The following GOLGA6L7 variants were observed in gnomAD, a reference collection of about 807,000 sequenced individuals.
The protein encoded by GOLGA6L7 is golgin subfamily A member 6-like protein 7.
Under a neutral mutation model 68.9 loss-of-function variants are expected in GOLGA6L7, and 29 were observed. The ratio of observed to expected loss-of-function variants is 0.42; its 90% CI spans 0.31 to 0.57. GOLGA6L7 has a LOEUF of 0.57. GOLGA6L7 is among the 20% of genes least tolerant of loss of function. The probability of loss-of-function intolerance (pLI) is 0.13; values close to 1 mark genes in which losing one functional copy is unlikely to be tolerated. For synonymous variants in GOLGA6L7, 133 were observed against 197.4 expected, an observed-to-expected ratio of 0.67 and a Z score of 2.73; for missense variants, 396 against 588.4, an observed-to-expected ratio of 0.67 and a Z score of 3.38.
At chr15:28,844,503 C>A (rs1353295746) in intron 6 of GOLGA6L7, among the ~76,000 whole-genome samples, 1 of 149,872 alleles carries the variant, frequency 6.7e-6, no homozygotes, top group African/African-American at 2.5e-5. Flanking sequence ...CGATCTCACC[C>A]CACCGCAACC....
intron 7 of GOLGA6L7, 149 bp from the exon 8 acceptor site, chr15:28,844,024 G>A (rs2030316267): frequency 3.4e-6 from 2 of 595,388 alleles, no homozygotes; most frequent in Admixed American, 6.0e-5. Context: ...AGGCCAGAGA[G>A]AAGACATGAG....
chr15:28,846,094 G>T (rs1595357563), intron 3 of GOLGA6L7, 126 bp downstream of exon 3: 1 of 734,406 alleles, frequency 1.4e-6, no homozygotes, highest in East Asian at 2.7e-5. Context: ...TGGGGATGGG[G>T]TGGAAGCTGG....
intron 6 of GOLGA6L7, 141 bp downstream of exon 6, chr15:28,845,388 A>C: frequency 1.4e-6 from 1 of 697,070 alleles, no homozygotes. Context: ...CCTGCCTCTA[A>C]CAACCACGCA....
chr15:28,847,398 C>T (rs2141056656), intron 1 of GOLGA6L7, among the ~76,000 whole-genome samples: 1 of 151,506 alleles, frequency 6.6e-6, no homozygotes, highest in Admixed American at 6.5e-5. Flanking sequence ...AGTCTTCTGA[C>T]TCTGAGCTCT....
Position 28,842,369 on chromosome 15 carries a change from T to C in GOLGA6L7, c.1735A>G (p.Asn579Asp). 1.6e-6 allele frequency: 2 copies of C among 1,236,202 alleles called. No homozygotes were observed. The highest frequency in any genetic ancestry group is 2.0e-6 in the Non-Finnish European group (2 of 987,950). 76.6% of individuals were successfully genotyped at this position (1,236,202 alleles called of 1,614,324 possible). A position where few individuals can be genotyped will look rare whatever the true frequency, so the allele number is the denominator to read the frequency against. ...AGCTGCATGATCTGTGCAGTGCGGT[T>C]GTCATGGGAATAACCCTTCCCGGCC... ...REAGKGYSHD[N>D]RTAQIMQLPP... The change falls in exon 9 of 9, where the codon AAC (asparagine) becomes GAC (aspartate). Residue 579 changes from asparagine to aspartate, a missense_variant. By Grantham distance (23) the Asn-to-Asp change is conservative. Transcript: ENST00000567390.
chr15:28,847,427 A>C (rs2030479529), intron 1 of GOLGA6L7, among the ~76,000 whole-genome samples: 1 of 151,680 alleles, frequency 6.6e-6, no homozygotes, highest in African/African-American at 2.4e-5. Context: ...GCCACAAATC[A>C]GCAGCTGCCA....
rs1260200505 is a variant in GOLGA6L7, at chr15:28,843,334, A to T, written c.770T>A (p.Met257Lys). Reference protein sequence around the residue: ...QEKLRKHEEKMWRQEQRLRDQ... With the variant: ...QEKLRKHEEKKWRQEQRLRDQ... ...CCGCAGCCTCTGCTCCTGTCTCCAC[A>T]TCTTCTCCTCGTGCTTCCGTAGCTT... Residue 257 changes from methionine to lysine, a missense_variant, in exon 9 of 9, where the codon ATG becomes AAG. Met to Lys is a moderately conservative substitution (Grantham distance 95). This residue lies in a region of GOLGA6L7 where 125 missense variants were observed against 119.4 expected (regional missense o/e 1.05). Coordinates refer to ENST00000567390, the MANE Select transcript of GOLGA6L7 (RefSeq NM_001365371.2). 1 of 844,198 alleles carries T rather than the reference A, an allele frequency of 1.2e-6. No homozygotes were observed. The highest frequency in any genetic ancestry group is 3.4e-5 in the East Asian group (1 of 29,792). The allele number at this position is 844,198 out of a possible 1,614,324, so 52.3% of individuals were successfully genotyped here.
At chr15:28,847,833 C>T (rs1367201555) in intron 1 of GOLGA6L7, among the ~76,000 whole-genome samples, 1 of 152,228 alleles carries the variant, frequency 6.6e-6, no homozygotes, top group Non-Finnish European at 1.5e-5. Flanking sequence ...GCAAATCTCA[C>T]TTCAAAGATC....
rs1157748957 is a variant in GOLGA6L7, at chr15:28,845,927, ATGT to A, written c.231_233del (p.Gln77del). On this transcript the variant is annotated inframe_deletion, in exon 4 of 9. Transcript: ENST00000567390. ...CTAGCTGCCTCCTTAGGGCTTGCTG[ATGT>A]TGGTGGCTTGCCTTATTTTCCTATA... The A allele has an allele frequency of 7.8e-7, 1 of 1,286,042 alleles. No individual in the cohort carries two copies. The highest frequency in any genetic ancestry group is 1.1e-6 in the Non-Finnish European group (1 of 893,800). The allele number at this position is 1,286,042 out of a possible 1,614,324, so 79.7% of individuals were successfully genotyped here.
Position 28,844,154 on chromosome 15 carries a change from C to T in GOLGA6L7, c.521+51G>A, listed in dbSNP as rs569659704. ...CTGTACCCCCCACCTCCCAGCACAC[C>T]ACCCACGCTAAGGGCTCTCAGACCT... On this transcript the variant is annotated intron_variant, in intron 7 of 8. Transcript: ENST00000567390. The T allele has an allele frequency of 1.2e-5, 6 of 490,072 alleles. 1 individual carries two copies. The highest frequency in any genetic ancestry group is 1.1e-4 in the East Asian group (3 of 28,542). 30.4% of individuals were successfully genotyped at this position (490,072 alleles called of 1,614,324 possible). A position where few individuals can be genotyped will look rare whatever the true frequency, so the allele number is the denominator to read the frequency against.
At position 28,848,487 on chromosome 15, in the gene GOLGA6L7, G is replaced by C. The variant is rs1297842765; in HGVS notation, c.51+12C>G. The C allele has an allele frequency of 2.9e-6, 2 of 689,782 alleles. No homozygotes were observed. The highest frequency in any genetic ancestry group is 2.0e-5 in the Admixed American group (1 of 49,604). The allele number at this position is 689,782 out of a possible 1,614,324, so 42.7% of individuals were successfully genotyped here. Reference sequence around the variant, plus strand: ...GGTTGGGGTTGGGGTGCTGCAATCCGATGCGTTTTACCTTTTTCTTGGTCC... The same window carrying C: ...GGTTGGGGTTGGGGTGCTGCAATCCCATGCGTTTTACCTTTTTCTTGGTCC... On this transcript the variant is annotated intron_variant, in intron 1 of 8. Coordinates refer to ENST00000567390, the MANE Select transcript of GOLGA6L7 (RefSeq NM_001365371.2).
chr15:28,848,373 A>G (rs1025386534), intron 1 of GOLGA6L7, 126 bp downstream of exon 1: 8 of 617,246 alleles, frequency 1.3e-5, no homozygotes. Context: ...GGGGGAGCCC[A>G]GAGGCACTGG....
At chr15:28,846,013 G>T in intron 3 of GOLGA6L7, 63 bp from the exon 4 acceptor site, 1 of 906,222 alleles carries the variant, frequency 1.1e-6, no homozygotes, top group East Asian at 2.6e-5. Flanking sequence ...CACAGCAAGA[G>T]ACATGCCCCC....
intron 5 of GOLGA6L7, 22 bp from the exon 6 acceptor site, chr15:28,845,657 T>C: frequency 1.3e-6 from 1 of 744,800 alleles, no homozygotes; most frequent in South Asian, 1.4e-5. Flanking sequence ...GAGGTTGAGC[T>C]GCAGCCCAAA....
At chr15:28,845,484 T>G in intron 6 of GOLGA6L7, 45 bp downstream of exon 6, 3 of 702,244 alleles carry the variant, frequency 4.3e-6, no homozygotes, top group Non-Finnish European at 7.8e-6. Flanking sequence ...TTCCTCCATC[T>G]GCGAAGCTGG....
Position 28,843,247 on chromosome 15 carries a change from C to CGCATCTGCTCCTCCTGCTCCT in GOLGA6L7, c.836_856dup (p.Gln279_Met285dup), listed in dbSNP as rs1567380735. The CGCATCTGCTCCTCCTGCTCCT allele has an allele frequency of 3.1e-6, 4 of 1,292,036 alleles. No individual in the cohort carries two copies. The highest frequency in any genetic ancestry group is 5.9e-5 in the East Asian group (2 of 33,672). 80.0% of individuals were successfully genotyped at this position (1,292,036 alleles called of 1,614,324 possible). A position where few individuals can be genotyped will look rare whatever the true frequency, so the allele number is the denominator to read the frequency against. On this transcript the variant is annotated inframe_insertion, in exon 9 of 9. Coordinates refer to ENST00000567390, the MANE Select transcript of GOLGA6L7 (RefSeq NM_001365371.2). ...CTTCCGCATCTGCTCCTCCTGCTTC[C>CGCATCTGCTCCTCCTGCTCCT]GCATCTGCTCCTCCTGCTCCTGCAT... is the stretch of plus-strand genomic sequence containing the variant.
rs1595355651 is a variant in GOLGA6L7, at chr15:28,843,846, T to A, written c.551A>T (p.Asn184Ile). ...TCGAAGTTTTTCTTGTAGTTCGGCA[T>A]TTTTCTCCTTCAGCTCCTTATTGGT... ...IITNKELKEK[N>I]AELQEKLRLV... Residue 184 changes from asparagine to isoleucine, a missense_variant, in exon 8 of 9, where the codon AAT becomes ATT. Asn to Ile is a moderately radical substitution (Grantham distance 149, BLOSUM62 -3). Transcript: ENST00000567390. 8.9e-6 allele frequency: 9 copies of A among 1,013,322 alleles called. No homozygotes were observed. In the East Asian group the frequency reaches 2.2e-4, roughly 25 times the overall value. 62.8% of individuals were successfully genotyped at this position (1,013,322 alleles called of 1,614,324 possible).
Position 28,845,965 on chromosome 15 carries a change from A to T in GOLGA6L7, c.211-15T>A, listed in dbSNP as rs2030412026. The T allele has an allele frequency of 2.6e-6, 3 of 1,149,530 alleles. No homozygotes were observed. The highest frequency in any genetic ancestry group is 3.9e-6 in the Non-Finnish European group (3 of 773,810). The allele number at this position is 1,149,530 out of a possible 1,614,324, so 71.2% of individuals were successfully genotyped here. A position where few individuals can be genotyped will look rare whatever the true frequency, so the allele number is the denominator to read the frequency against. The stretch of plus-strand genomic sequence containing the variant: ...GCCTTATTTTCCTATAGAAAAGAAG[A>T]GGAAGACAGAGCTCTTACTAGAGGG... On this transcript the variant is annotated splice_polypyrimidine_tract_variant and intron_variant, in intron 3 of 8. Coordinates refer to ENST00000567390, the MANE Select transcript of GOLGA6L7 (RefSeq NM_001365371.2).
chr15:28,844,282 C>T lies in GOLGA6L7; in HGVS notation c.463-19G>A. 1 of 474,964 alleles carries T rather than the reference C, an allele frequency of 2.1e-6. No homozygotes were observed. The highest frequency in any genetic ancestry group is 5.1e-5 in the South Asian group (1 of 19,542). The allele number at this position is 474,964 out of a possible 1,614,324, so 29.4% of individuals were successfully genotyped here. A position where few individuals can be genotyped will look rare whatever the true frequency, so the allele number is the denominator to read the frequency against. On this transcript the variant is annotated intron_variant, in intron 6 of 8. Coordinates refer to ENST00000567390, the MANE Select transcript of GOLGA6L7 (RefSeq NM_001365371.2). ...TGATGTACTGCAAACAGAGAAAGGT[C>T]AAGTCAGGATACAGCAGGCAGAGGA...
Sources: allele counts gnomAD v4.1 joint callset (sites outside exome capture counted in the v4.1 genomes callset), GRCh38; gene constraint gnomAD v4.1.1; regional missense constraint gnomAD v4.1.1; transcripts MANE v1.5; gene names NCBI Gene and HGNC (gene_info 2026-07-23, HGNC 2026-07-21).